The following BBLN variants were observed in gnomAD, a reference collection of about 807,000 sequenced individuals.
The protein encoded by BBLN is bublin coiled-coil protein.
BBLN carries 6 observed loss-of-function variants against 7.6 expected under a neutral mutation model. The ratio of observed to expected loss-of-function variants is 0.79; its 90% CI spans 0.43 to 1.55. BBLN has a LOEUF of 1.55. Ranked by LOEUF, BBLN falls within the 40% of genes most tolerant of loss-of-function variation. BBLN has a pLI of 0.01. For synonymous variants in BBLN, 35 were observed against 46.7 expected, an observed-to-expected ratio of 0.75 and a Z score of 1.02; for missense variants, 100 against 111.1, an observed-to-expected ratio of 0.90 and a Z score of 0.45.
At position 128,163,359 on chromosome 9, in the gene BBLN, C is replaced by T; in HGVS notation, c.80-84C>T. The T allele has an allele frequency of 2.3e-6, 3 of 1,309,884 alleles. No individual in the cohort carries two copies. The highest frequency in any genetic ancestry group is 1.5e-5 in the African/African-American group (1 of 66,968). 81.1% of individuals were successfully genotyped at this position (1,309,884 alleles called of 1,614,324 possible). On this transcript the variant is annotated intron_variant, in intron 1 of 1. Transcript: ENST00000372994. The surrounding 1 kb of genome is among the most constrained non-coding windows in gnomAD (Gnocchi z 5.7). ...GACTTGCACAAAGCCCTTTGGGAAG[C>T]AGGCTGGGAAACAGTGGAGGGAGGG...
chr9:128,160,566 G>T, intron 1 of BBLN, 80 bp downstream of exon 1: 1 of 975,730 alleles, frequency 1.0e-6, no homozygotes. Flanking sequence ...TGGGGTCTCG[G>T]AAGGGAACAA....
Position 128,163,910 on chromosome 9 carries a change from A to C in BBLN, c.*295A>C. 1 of 362,584 alleles carries C rather than the reference A, an allele frequency of 2.8e-6. No individual in the cohort carries two copies. The highest frequency in any genetic ancestry group is 4.6e-5 in the East Asian group (1 of 21,546). The allele number at this position is 362,584 out of a possible 1,614,324, so 22.5% of individuals were successfully genotyped here. ...GCCCAGGCCTTGAGTGTCCACATTA[A>C]ATGGGTCTCCCACACCGCTGTGCCT... On this transcript the variant is annotated 3_prime_UTR_variant, in exon 2 of 2. Transcript: ENST00000372994. This position sits in a 1 kb window ranked among gnomAD's most constrained non-coding sequence, Gnocchi z 5.7.
rs1159292428 is a variant in BBLN at position 128,163,464 on chromosome 9, T to C, written c.101T>C (p.Met34Thr). 25 of 1,592,604 alleles carry C rather than the reference T, an allele frequency of 1.6e-5. No individual in the cohort carries two copies. Among genetic ancestry groups the C allele is most frequent in the Non-Finnish European group, 2.1e-5 (25 of 1,167,376 alleles). The change falls in exon 2 of 2, where the codon ATG becomes ACG. Residue 34 changes from methionine to threonine, a missense_variant. Coordinates refer to ENST00000372994, the MANE Select transcript of BBLN (RefSeq NM_024112.4). This position sits in a 1 kb window ranked among gnomAD's most constrained non-coding sequence, Gnocchi z 5.7. ...GEAEYAAINSMLDQINSCLDH... is the reference protein window; with the variant it reads ...GEAEYAAINSTLDQINSCLDH... ...CCAGAATACGCTGCCATCAACTCCA[T>C]GCTGGACCAGATCAACTCCTGTCTG...
At chr9:128,161,272 A>C (rs948905978) in intron 1 of BBLN, among the ~76,000 whole-genome samples, 2 of 21,270 alleles carry the variant, frequency 9.4e-5, no homozygotes, top group African/African-American at 1.0e-4. Flanking sequence ...GAGCTATACA[A>C]CTTACCCATA....
At chr9:128,161,095 A>AAAAAG (rs1829250159) in intron 1 of BBLN, among the ~76,000 whole-genome samples, 1 of 150,970 alleles carries the variant, frequency 6.6e-6, no homozygotes, top group South Asian at 2.1e-4. Flanking sequence ...TGCAAAAAAA[A>AAAAAG]GGAAAATCCT....
At chr9:128,160,915 T>C (rs80347148) in intron 1 of BBLN, among the ~76,000 whole-genome samples, 12,804 of 152,152 alleles carry the variant, frequency 0.084, 941 homozygotes, top group East Asian at 0.44. Context: ...CTCACAGCCT[T>C]GCCAAATGTC....
intron 1 of BBLN, among the ~76,000 whole-genome samples, chr9:128,161,227 A>G (rs924919577): frequency 6.6e-6 from 1 of 152,096 alleles, no homozygotes; most frequent in Admixed American, 6.6e-5. Context: ...AGTATGGTGC[A>G]TGCTCTTTGT....
chr9:128,161,699 G>A (rs1829256880), intron 1 of BBLN, among the ~76,000 whole-genome samples: 1 of 150,932 alleles, frequency 6.6e-6, no homozygotes. Context: ...GGAGTACAGT[G>A]GCGTGATCTT....
rs1007752204 is a variant in BBLN at position 128,160,421 on chromosome 9, A to G, written c.14A>G (p.Asn5Ser). The stretch of plus-strand genomic sequence containing the variant: ...CCCGAGCCCGCAATGTCGGGCCCCA[A>G]CGGAGACCTGGGGATGCCGGTGGAG... MSGP[N>S]GDLGMPVEAG... The change falls in exon 1 of 2, where the codon AAC becomes AGC. Residue 5 changes from asparagine to serine, a missense_variant. Transcript: ENST00000372994. The G allele has an allele frequency of 1.6e-5, 20 of 1,267,574 alleles. No homozygotes were observed. The highest frequency in any genetic ancestry group is 1.3e-4 in the East Asian group (4 of 31,786). The allele number at this position is 1,267,574 out of a possible 1,614,324, so 78.5% of individuals were successfully genotyped here.
rs147468055 is a variant in BBLN at position 128,160,549 on chromosome 9, A to G, written c.79+63A>G. The stretch of plus-strand genomic sequence containing the variant: ...CAGGGCTGCCCTCCCGGGAAGGGGA[A>G]TCGAGATGGGGTCTCGGAAGGGAAC... On this transcript the variant is annotated intron_variant, in intron 1 of 1. Transcript: ENST00000372994. 192 of 1,062,208 alleles carry G rather than the reference A, an allele frequency of 1.8e-4. 1 individual carries two copies. The African/African-American group carries it at 2.5e-3, about 14-fold the overall frequency. 65.8% of individuals were successfully genotyped at this position (1,062,208 alleles called of 1,614,324 possible).
In BBLN at chr9:128,160,497, G is replaced by T; in HGVS notation, c.79+11G>T. 7.8e-7 allele frequency: 1 copy of T among 1,281,456 alleles called. No homozygotes were observed. The highest frequency in any genetic ancestry group is 1.0e-6 in the Non-Finnish European group (1 of 1,004,920). The allele number at this position is 1,281,456 out of a possible 1,614,324, so 79.4% of individuals were successfully genotyped here. A position where few individuals can be genotyped will look rare whatever the true frequency, so the allele number is the denominator to read the frequency against. ...GCTTCGGGGAAGCAGGTGACCCGAG[G>T]GGGCTGCTGGAGCAACCTTGCATTT... is the stretch of plus-strand genomic sequence containing the variant. On this transcript the variant is annotated intron_variant, in intron 1 of 1. Transcript: ENST00000372994.
chr9:128,161,722 C>T (rs1829257186), intron 1 of BBLN, among the ~76,000 whole-genome samples: 1 of 151,628 alleles, frequency 6.6e-6, no homozygotes, highest in Admixed American at 6.6e-5. Flanking sequence ...CTCACTGCAA[C>T]CTCCGCCTTC....
Position 128,163,336 on chromosome 9 carries a change from C to T in BBLN, c.80-107C>T. The T allele has an allele frequency of 9.4e-7, 1 of 1,066,458 alleles. No individual in the cohort carries two copies. The highest frequency in any genetic ancestry group is 1.3e-6 in the Non-Finnish European group (1 of 756,358). The allele number at this position is 1,066,458 out of a possible 1,614,324, so 66.1% of individuals were successfully genotyped here. Reference sequence around the variant, plus strand: ...ACTGAGGCTCAGGAAGCAGTAGGGACTTGCACAAAGCCCTTTGGGAAGCAG... The same window carrying T: ...ACTGAGGCTCAGGAAGCAGTAGGGATTTGCACAAAGCCCTTTGGGAAGCAG... On this transcript the variant is annotated intron_variant, in intron 1 of 1. Transcript: ENST00000372994. The surrounding 1 kb of genome is among the most constrained non-coding windows in gnomAD (Gnocchi z 5.7).
Position 128,160,415 on chromosome 9 carries a change from G to A in BBLN, c.8G>A (p.Gly3Asp). The change falls in exon 1 of 2, where the codon GGC becomes GAC. Residue 3 changes from glycine to aspartate, a missense_variant. Physicochemically the swap from Gly to Asp is moderately conservative, Grantham distance 94. Coordinates refer to ENST00000372994, the MANE Select transcript of BBLN (RefSeq NM_024112.4). The stretch of plus-strand genomic sequence containing the variant: ...CGGGCGCCCGAGCCCGCAATGTCGG[G>A]CCCCAACGGAGACCTGGGGATGCCG... The part of the protein sequence containing the change: MS[G>D]PNGDLGMPVE... 2 of 1,264,544 alleles carry A rather than the reference G, an allele frequency of 1.6e-6. No homozygotes were observed. The highest frequency in any genetic ancestry group is 3.1e-5 in the East Asian group (1 of 31,786). The allele number at this position is 1,264,544 out of a possible 1,614,324, so 78.3% of individuals were successfully genotyped here. A position where few individuals can be genotyped will look rare whatever the true frequency, so the allele number is the denominator to read the frequency against.
chr9:128,163,340 C>A lies in BBLN; in HGVS notation c.80-103C>A. On this transcript the variant is annotated intron_variant, in intron 1 of 1. Coordinates refer to ENST00000372994, the MANE Select transcript of BBLN (RefSeq NM_024112.4). This position sits in a 1 kb window ranked among gnomAD's most constrained non-coding sequence, Gnocchi z 5.7. ...AGGCTCAGGAAGCAGTAGGGACTTG[C>A]ACAAAGCCCTTTGGGAAGCAGGCTG... The A allele has an allele frequency of 8.8e-7, 1 of 1,138,128 alleles. No individual in the cohort carries two copies. The highest frequency in any genetic ancestry group is 1.2e-6 in the Non-Finnish European group (1 of 817,752). 70.5% of individuals were successfully genotyped at this position (1,138,128 alleles called of 1,614,324 possible). A position where few individuals can be genotyped will look rare whatever the true frequency, so the allele number is the denominator to read the frequency against.
chr9:128,160,536 C>T lies in BBLN; in HGVS notation c.79+50C>T, dbSNP rs921057057. On this transcript the variant is annotated intron_variant, in intron 1 of 1. Transcript: ENST00000372994. ...AACCTTGCATTTTCAGGGCTGCCCT[C>T]CCGGGAAGGGGAATCGAGATGGGGT... is the stretch of plus-strand genomic sequence containing the variant. 1.7e-5 allele frequency: 19 copies of T among 1,150,086 alleles called. No individual in the cohort carries two copies. The African/African-American group carries it at 2.4e-4, about 15-fold the overall frequency. 71.2% of individuals were successfully genotyped at this position (1,150,086 alleles called of 1,614,324 possible). A position where few individuals can be genotyped will look rare whatever the true frequency, so the allele number is the denominator to read the frequency against.
intron 1 of BBLN, among the ~76,000 whole-genome samples, chr9:128,161,087 C>CAAAAAAAGAAAAAA (rs1829249831): frequency 7.9e-6 from 1 of 125,946 alleles, no homozygotes; most frequent in South Asian, 2.6e-4. Flanking sequence ...GAATTAAATG[C>CAAAAAAAGAAAAAA]AAAAAAAAGG....
At position 128,163,382 on chromosome 9, in the gene BBLN, G is replaced by A. The variant is rs1437545553; in HGVS notation, c.80-61G>A. 23 of 1,420,528 alleles carry A rather than the reference G, an allele frequency of 1.6e-5. No homozygotes were observed. The highest frequency in any genetic ancestry group is 2.2e-5 in the Non-Finnish European group (23 of 1,061,642). 88.0% of individuals were successfully genotyped at this position (1,420,528 alleles called of 1,614,324 possible). On this transcript the variant is annotated intron_variant, in intron 1 of 1. Coordinates refer to ENST00000372994, the MANE Select transcript of BBLN (RefSeq NM_024112.4). The surrounding 1 kb of genome is among the most constrained non-coding windows in gnomAD (Gnocchi z 5.7). The stretch of plus-strand genomic sequence containing the variant: ...AGCAGGCTGGGAAACAGTGGAGGGA[G>A]GGTGTCCATTAGCCCCAAGGAGACA...
At chr9:128,160,719 C>T (rs1829245551) in intron 1 of BBLN, among the ~76,000 whole-genome samples, 1 of 152,262 alleles carries the variant, frequency 6.6e-6, no homozygotes, top group African/African-American at 2.4e-5. Context: ...ACTAAGGCAG[C>T]TTCGGGGACA....
Sources: allele counts gnomAD v4.1 joint callset (sites outside exome capture counted in the v4.1 genomes callset), GRCh38; gene constraint gnomAD v4.1.1; non-coding constraint Gnocchi (gnomAD v3.1); transcripts MANE v1.5; gene names NCBI Gene and HGNC (gene_info 2026-07-23, HGNC 2026-07-21).